ABCG5: variants seen among roughly 807,000 people sequenced by gnomAD.
ABCG5 encodes the protein ATP binding cassette subfamily G member 5, also known as ATP-binding cassette sub-family G member 5.
In ABCG5, 64 loss-of-function variants were observed where a neutral mutation model predicts 64.5. That is an observed-to-expected ratio of 0.99 (90% confidence interval 0.81 to 1.22). The LOEUF (loss-of-function observed/expected upper bound fraction) is 1.22. ABCG5 is among the 50% of genes most tolerant of loss of function. ABCG5 has a pLI of 0.00. For synonymous variants in ABCG5, 385 were observed against 326.3 expected (o/e 1.18, Z -1.94); for missense variants, 908 against 829.5 (o/e 1.09, Z -1.16).
intron 10 of ABCG5, among the ~76,000 whole-genome samples, chr2:43,820,913 C>T (rs959362832): frequency 2.6e-5 from 4 of 152,204 alleles, no homozygotes; most frequent in Non-Finnish European, 5.9e-5. Flanking sequence ...CTCAGCCTCC[C>T]AAAGTGCTAG....
intron 11 of ABCG5, among the ~76,000 whole-genome samples, chr2:43,815,849 AAATT>A (rs1666778981): frequency 6.6e-6 from 1 of 151,746 alleles, no homozygotes; most frequent in African/African-American, 2.4e-5. Flanking sequence ...CATTCTGAGA[AAATT>A]AACGTGACTC....
Position 43,832,048 on chromosome 2 carries a change from C to G in ABCG5, c.301G>C (p.Gly101Arg). 2 of 1,580,710 alleles carry G rather than the reference C, an allele frequency of 1.3e-6. No individual in the cohort carries two copies. Among genetic ancestry groups the G allele is most frequent in the East Asian group, 2.3e-5 (1 of 43,426 alleles). Residue 101 changes from glycine (G) to arginine (R), a missense_variant, in exon 3 of 13, where the codon GGG (glycine) becomes CGG (arginine). By Grantham distance (125) the Gly-to-Arg change is moderately radical (BLOSUM62 -2). Transcript: ENST00000405322. ...GKTTLLDAMS[G>R]RLGRAGTFLG... is the part of the protein sequence containing the mutation. ...AAGGTCCCCGCGCGCCCCAGCCTCC[C>G]GGACATGGCGTCCAGCAGCGTGGTT...
chr2:43,824,883 A>G lies in ABCG5; in HGVS notation c.904+6T>C, dbSNP rs1418671847. 2 of 1,613,894 alleles carry G rather than the reference A, an allele frequency of 1.2e-6. No homozygotes were observed. Among genetic ancestry groups the G allele is most frequent in the Non-Finnish European group, 8.5e-7 (1 of 1,179,848 alleles). On this transcript the variant is annotated splice_donor_region_variant and intron_variant, in intron 7 of 12. Coordinates refer to ENST00000405322, the MANE Select transcript of ABCG5 (RefSeq NM_022436.3). ...TCATGATGGGGAATGTGAAAGAAAA[A>G]CTTACTATAGAAGTCAAAAGGGTTT...
chr2:43,831,902 C>A (rs983531137), intron 3 of ABCG5, 35 bp from the exon 4 acceptor site: 2 of 1,550,508 alleles, frequency 1.3e-6, no homozygotes, highest in Non-Finnish European at 1.7e-6. Context: ...TAGCCTAAGC[C>A]CCCGGGGCGG....
At chr2:43,822,625 A>T in intron 10 of ABCG5, 172 bp downstream of exon 10, 1 of 984,670 alleles carries the variant, frequency 1.0e-6, no homozygotes, top group Non-Finnish European at 1.2e-6. Context: ...CAGTTGGGCT[A>T]TTTACAATAA....
chr2:43,820,029 A>C lies in ABCG5; in HGVS notation c.1535T>G (p.Ile512Ser). ...TAGCACAAGAGTTAGAAATTCACCA[A>C]TTAAGTGGGGGGCCAAGAGAGCAGC... ...FSAALLAPHL[I>S]GEFLTLVLLG... Residue 512 changes from isoleucine to serine, a missense_variant, in exon 11 of 13, where the codon ATT (isoleucine) becomes AGT (serine). Physicochemically the swap from Ile to Ser is moderately radical, Grantham distance 142. Transcript: ENST00000405322. The C allele has an allele frequency of 6.2e-7, 1 of 1,614,212 alleles. No individual in the cohort carries two copies. The highest frequency in any genetic ancestry group is 1.1e-5 in the South Asian group (1 of 91,092).
At chr2:43,832,269 C>T (rs976083986) in intron 2 of ABCG5, 186 bp from the exon 3 acceptor site, 6 of 725,480 alleles carry the variant, frequency 8.3e-6, no homozygotes, top group South Asian at 7.1e-5. Flanking sequence ...GTGCGTGCAG[C>T]AGTCTCACGC....
chr2:43,813,305 G>A lies in ABCG5; in HGVS notation c.1767C>T (p.Ser589=). Residue 589 remains serine (S), a synonymous_variant, in exon 13 of 13, where the codon AGC becomes AGT. Transcript: ENST00000405322. ...GATTAGTTGTCACAGAAACATTTGA[G>A]CTGCCTGTCAAGGAAAAGATTGACA... The part of the protein sequence containing the change: ...EFYGLNFTCG[S]SNVSVTTNPM... 1 of 1,610,412 alleles carries A rather than the reference G, an allele frequency of 6.2e-7. No individual in the cohort carries two copies. The highest frequency in any genetic ancestry group is 1.3e-5 in the African/African-American group (1 of 74,908).
chr2:43,813,720 T>TTTG (rs1558715763), intron 12 of ABCG5, among the ~76,000 whole-genome samples: 14 of 126,810 alleles, frequency 1.1e-4, no homozygotes, highest in Non-Finnish European at 2.1e-4. Context: ...TTTTTTTTTT[T>TTTG]TTTTTTTTTT....
rs200416765 is a variant in ABCG5 at position 43,825,036 on chromosome 2, G to C, written c.775-18C>G. 9.8e-5 allele frequency: 158 copies of C among 1,612,630 alleles called. 2 individuals carry two copies. The South Asian group carries it at 1.6e-3, about 16-fold the overall frequency. Reference sequence around the variant, plus strand: ...TCAAAGAGCTGACCAGACAACAGACGTAGTTAGTGTGTGATCACAAGGGTA... The same window carrying C: ...TCAAAGAGCTGACCAGACAACAGACCTAGTTAGTGTGTGATCACAAGGGTA... On this transcript the variant is annotated intron_variant, in intron 6 of 12. Coordinates refer to ENST00000405322, the MANE Select transcript of ABCG5 (RefSeq NM_022436.3).
Position 43,824,134 on chromosome 2 carries a change from C to T in ABCG5, c.1119-16G>A. The T allele has an allele frequency of 1.9e-6, 3 of 1,614,150 alleles. No homozygotes were observed. The highest frequency in any genetic ancestry group is 2.2e-5 in the East Asian group (1 of 44,884). On this transcript the variant is annotated splice_polypyrimidine_tract_variant and intron_variant, in intron 8 of 12. Transcript: ENST00000405322. ...TGTCACTCTCCTGAAAACAAACAAC[C>T]CTGTTTTAATTCCTTTTCAGAATTG... is the stretch of plus-strand genomic sequence containing the variant.
intron 2 of ABCG5, among the ~76,000 whole-genome samples, chr2:43,834,735 A>G (rs1048132136): frequency 1.3e-5 from 2 of 152,256 alleles, no homozygotes; most frequent in Non-Finnish European, 2.9e-5. Flanking sequence ...CAACTAAATA[A>G]TCTGCAAAGA....
At chr2:43,827,246 A>G (rs1667668426) in intron 5 of ABCG5, among the ~76,000 whole-genome samples, 1 of 151,562 alleles carries the variant, frequency 6.6e-6, no homozygotes, top group African/African-American at 2.4e-5. Flanking sequence ...AATCGCTTCA[A>G]CCTGGGAGGT....
chr2:43,822,541 G>C (rs1241304589), intron 10 of ABCG5: 1 of 981,850 alleles, frequency 1.0e-6, no homozygotes, highest in Non-Finnish European at 1.2e-6. Flanking sequence ...CCCAGGCCCT[G>C]CCGTGAATGT....
intron 11 of ABCG5, among the ~76,000 whole-genome samples, chr2:43,818,225 G>A (rs916007087): frequency 2.0e-5 from 3 of 152,072 alleles, no homozygotes; most frequent in African/African-American, 4.8e-5. Context: ...GCCGAGGTGG[G>A]CGAATCACTT....
At chr2:43,828,510 A>C (rs9789463) in intron 4 of ABCG5, 154,539 of 366,336 alleles carry the variant, frequency 0.42, 35,863 homozygotes, top group East Asian at 0.82. Flanking sequence ...AAAAAACAAT[A>C]AATTAGCCGG....
At chr2:43,835,945 T>C (rs1318681230) in intron 2 of ABCG5, among the ~76,000 whole-genome samples, 1 of 127,080 alleles carries the variant, frequency 7.9e-6, no homozygotes, top group Non-Finnish European at 1.7e-5. Flanking sequence ...ATTCCTCTTC[T>C]TTTTTTTTTT....
At chr2:43,826,150 TTTTC>T (rs1362981328) in intron 6 of ABCG5, among the ~76,000 whole-genome samples, 6 of 151,684 alleles carry the variant, frequency 4.0e-5, no homozygotes, top group South Asian at 2.1e-4. Flanking sequence ...TAATTTTTCT[TTTTC>T]TTTCTTTCTT....
At chr2:43,826,285 C>T in intron 6 of ABCG5, 97 bp downstream of exon 6, 1 of 1,570,714 alleles carries the variant, frequency 6.4e-7, no homozygotes, top group South Asian at 1.1e-5. Flanking sequence ...CAAGTGTGAG[C>T]CACTGTGCCT....
Sources: allele counts gnomAD v4.1 joint callset (sites outside exome capture counted in the v4.1 genomes callset), GRCh38; gene constraint gnomAD v4.1.1; transcripts MANE v1.5; gene names NCBI Gene and HGNC (gene_info 2026-07-23, HGNC 2026-07-21).